NDUFA11: variants seen among roughly 807,000 people sequenced by gnomAD.
The protein encoded by NDUFA11 is NADH dehydrogenase [ubiquinone] 1 alpha subcomplex subunit 11.
Under a neutral mutation model 11.3 loss-of-function variants are expected in NDUFA11, and 14 were observed. The observed-to-expected ratio is 1.24, with a 90% CI of 0.82 to 1.94. The LOEUF (loss-of-function observed/expected upper bound fraction) is 1.94, where lower values mean the gene tolerates loss of function less well. NDUFA11 is among the 30% of genes most tolerant of loss of function. NDUFA11 has a pLI of 0.00. For synonymous variants in NDUFA11, 87 were observed against 85.6 expected (o/e 1.02, Z -0.09); for missense variants, 204 against 200.3 (o/e 1.02, Z -0.11).
At chr19:5,899,218 C>T (rs79074789) in intron 1 of NDUFA11, among the ~76,000 whole-genome samples, 2 of 146,594 alleles carry the variant, frequency 1.4e-5, no homozygotes, top group South Asian at 2.2e-4. Flanking sequence ...GGCGCTATCT[C>T]GGCTCACTGC....
chr19:5,903,010 C>CAAAA (rs545310981), intron 1 of NDUFA11, among the ~76,000 whole-genome samples: 9 of 103,976 alleles, frequency 8.7e-5, no homozygotes, highest in Admixed American at 2.0e-4. Flanking sequence ...GGCTCTGTCT[C>CAAAA]AAAAAAAAAA....
chr19:5,898,573 C>T (rs985174093), intron 1 of NDUFA11, among the ~76,000 whole-genome samples: 2 of 152,152 alleles, frequency 1.3e-5, no homozygotes, highest in Admixed American at 1.3e-4. Flanking sequence ...CCTGCTCGAC[C>T]TCAGAAAGGT....
Position 5,896,508 on chromosome 19 carries a change from GT to G in NDUFA11, c.257del (p.Asp86AlafsTer3). 1 of 1,572,542 alleles carries G rather than the reference GT, an allele frequency of 6.4e-7. No individual in the cohort carries two copies. Among genetic ancestry groups the G allele is most frequent in the Non-Finnish European group, 8.6e-7 (1 of 1,159,294 alleles). Reference sequence around the variant, plus strand: ...AGCCACCGAGGAAGTAGTTCAGGGGGTCGTCGGGCTTCTCGCGGACATGGGC... The same window carrying G: ...AGCCACCGAGGAAGTAGTTCAGGGGGCGTCGGGCTTCTCGCGGACATGGGC... Reference protein sequence around the residue: ...ISAHVREKPDDPLNYFLGGCA... With the variant: ...ISAHVREKPDXPLNYFLGGCA... On this transcript the variant is annotated frameshift_variant, in exon 3 of 4. Transcript: ENST00000308961. LOFTEE classifies it high-confidence loss of function. This position sits in a 1 kb window ranked among gnomAD's most constrained non-coding sequence, Gnocchi z 5.8.
chr19:5,894,805 C>T lies in NDUFA11; in HGVS notation c.363G>A (p.Ala121=), dbSNP rs748679456. The T allele has an allele frequency of 4.9e-5, 79 of 1,613,428 alleles. No individual in the cohort carries two copies. The highest frequency in any genetic ancestry group is 1.6e-4 in the Middle Eastern group (1 of 6,074). ...GAAACVYFGI[A]ASLVKMGRLE... ...GCCGGCCCATCTTGACCAGGGAGGC[C>T]GCTATGCCAAAGTACACGCAGGCGG... Residue 121 remains alanine (A), a synonymous_variant, in exon 4 of 4, where the codon GCG becomes GCA. Transcript: ENST00000308961.
downstream of NDUFA11, chr19:5,893,315 A>C: frequency 5.1e-6 from 5 of 985,510 alleles, no homozygotes; most frequent in African/African-American, 1.6e-5. This position sits in a 1 kb window ranked among gnomAD's most constrained non-coding sequence, Gnocchi z 4.1. Flanking sequence ...AATAAAAACA[A>C]TTAGCTGGCT....
downstream of NDUFA11, among the ~76,000 whole-genome samples, chr19:5,893,939 G>A (rs1402698678): frequency 6.6e-6 from 1 of 152,158 alleles, no homozygotes; most frequent in African/African-American, 2.4e-5. This position sits in a 1 kb window ranked among gnomAD's most constrained non-coding sequence, Gnocchi z 4.1. Flanking sequence ...GTGGAGCCTG[G>A]AGCGCCCTAA....
At chr19:5,893,084 T>C, downstream of NDUFA11, 2 of 1,536,136 alleles carry the variant, frequency 1.3e-6, no homozygotes, top group Non-Finnish European at 1.7e-6. The surrounding 1 kb of genome is among the most constrained non-coding windows in gnomAD (Gnocchi z 4.1). Context: ...CCTGAGCTGT[T>C]GCATGCCCCC....
At chr19:5,899,237 C>T (rs2057629722) in intron 1 of NDUFA11, among the ~76,000 whole-genome samples, 1 of 151,530 alleles carries the variant, frequency 6.6e-6, no homozygotes, top group Non-Finnish European at 1.5e-5. Flanking sequence ...GCAAGCCCCG[C>T]CTCCTGGGTT....
intron 1 of NDUFA11, among the ~76,000 whole-genome samples, chr19:5,899,203 G>A (rs895489206): frequency 2.0e-5 from 3 of 149,846 alleles, no homozygotes; most frequent in African/African-American, 7.4e-5. Flanking sequence ...AGGCTGGAGT[G>A]CAGTGGCGCT....
chr19:5,896,910 G>A lies in NDUFA11; in HGVS notation c.185C>T (p.Thr62Ile), dbSNP rs1568431050. 1.2e-6 allele frequency: 2 copies of A among 1,613,662 alleles called. No homozygotes were observed. The highest frequency in any genetic ancestry group is 1.7e-6 in the Non-Finnish European group (2 of 1,179,686). ...GCCCAGCCCAGCGTGCTCACCTGCA[G>A]TGAACGTGTATTGTCCAACCTTAGC... ...GVAKVGQYTF[T>I]AAAVGAVFGL... Residue 62 changes from threonine (T) to isoleucine (I), a missense_variant, in exon 2 of 4, where the codon ACT becomes ATT. Thr to Ile is a moderately conservative substitution (Grantham distance 89, BLOSUM62 -1). Transcript: ENST00000308961. This position sits in a 1 kb window ranked among gnomAD's most constrained non-coding sequence, Gnocchi z 5.8.
chr19:5,894,989 C>T (rs565909379), intron 3 of NDUFA11, 135 bp from the exon 4 acceptor site: 1 of 1,011,900 alleles, frequency 9.9e-7, no homozygotes, highest in Non-Finnish European at 1.4e-6. Context: ...GATTAAGTCA[C>T]TCAGGAAGAG....
At position 5,896,121 on chromosome 19, in the gene NDUFA11, G is replaced by GTT; in HGVS notation, c.313+331_313+332insAA. On this transcript the variant is annotated intron_variant, in intron 3 of 3. Transcript: ENST00000308961. The surrounding 1 kb of genome is among the most constrained non-coding windows in gnomAD (Gnocchi z 5.8). The stretch of plus-strand genomic sequence containing the variant: ...GCTTGTACACAGGGTGGTCAGGACA[G>GTT]TGAGGGGAACAGCATTCCACGCAGT... 1 of 558,252 alleles carries GTT rather than the reference G, an allele frequency of 1.8e-6. No homozygotes were observed. The highest frequency in any genetic ancestry group is 3.2e-6 in the Non-Finnish European group (1 of 315,694). The allele number at this position is 558,252 out of a possible 1,614,324, so 34.6% of individuals were successfully genotyped here. A position where few individuals can be genotyped will look rare whatever the true frequency, so the allele number is the denominator to read the frequency against.
chr19:5,896,424 A>G lies in NDUFA11; in HGVS notation c.313+29T>C, dbSNP rs749817318. ...GGGGTCATTCTGCCAGGCTGGGAGG[A>G]GGGTGGGGGTGGGGAGGGGGCCACT... On this transcript the variant is annotated intron_variant, in intron 3 of 3. Transcript: ENST00000308961. The surrounding 1 kb of genome is among the most constrained non-coding windows in gnomAD (Gnocchi z 5.8). 97 of 525,964 alleles carry G rather than the reference A, an allele frequency of 1.8e-4. No homozygotes were observed. In the African/African-American group the frequency reaches 6.6e-3, roughly 36 times the overall value. 32.6% of individuals were successfully genotyped at this position (525,964 alleles called of 1,614,324 possible).
downstream of NDUFA11, chr19:5,893,291 C>T (rs1371576986): frequency 1.2e-5 from 14 of 1,170,972 alleles, no homozygotes; most frequent in African/African-American, 3.1e-5. This position sits in a 1 kb window ranked among gnomAD's most constrained non-coding sequence, Gnocchi z 4.1. Flanking sequence ...GATCCTGTCT[C>T]TACAAAAAAT....
chr19:5,896,731 G>A lies in NDUFA11; in HGVS notation c.191-156C>T, dbSNP rs2057612176. On this transcript the variant is annotated intron_variant, in intron 2 of 3. Coordinates refer to ENST00000308961, the MANE Select transcript of NDUFA11 (RefSeq NM_175614.5). The surrounding 1 kb of genome is among the most constrained non-coding windows in gnomAD (Gnocchi z 5.8). ...GCCCCAGTCCTGGAGCTGTTCTCCTGGGCCTCCCCACCCTACATGTATTCC... is the reference window on the plus strand; with the variant it reads ...GCCCCAGTCCTGGAGCTGTTCTCCTAGGCCTCCCCACCCTACATGTATTCC... The A allele has an allele frequency of 8.0e-7, 1 of 1,252,000 alleles. No individual in the cohort carries two copies. The highest frequency in any genetic ancestry group is 1.1e-6 in the Non-Finnish European group (1 of 874,186). The allele number at this position is 1,252,000 out of a possible 1,614,324, so 77.6% of individuals were successfully genotyped here.
At position 5,894,852 on chromosome 19, in the gene NDUFA11, G is replaced by T; in HGVS notation, c.316C>A (p.His106Asn). 1 of 1,603,526 alleles carries T rather than the reference G, an allele frequency of 6.2e-7. No individual in the cohort carries two copies. Among genetic ancestry groups the T allele is most frequent in the Non-Finnish European group, 8.5e-7 (1 of 1,174,820 alleles). ...AGGLTLGART[H>N]NYGIGAAACV... ...GCGGCGGCGCCAATCCCGTAGTTGT[G>T]CGCTGTGGGAGTGGGGAGGTGATGT... The change falls in exon 4 of 4, where the codon CAC becomes AAC. Residue 106 changes from histidine (H) to asparagine (N), a missense_variant and splice_region_variant. Physicochemically the swap from His to Asn is moderately conservative, Grantham distance 68. Coordinates refer to ENST00000308961, the MANE Select transcript of NDUFA11 (RefSeq NM_175614.5).
In NDUFA11 at chr19:5,903,670, G is replaced by C. The variant is rs1169554789; in HGVS notation, c.39C>G (p.Pro13=). Residue 13 remains proline, a synonymous_variant, in exon 1 of 4, where the codon CCC becomes CCG. Transcript: ENST00000308961. ...CTTTGCGGTGGCAATCGGTGCCATC[G>C]GGGATATCCCAGTACTGACGAAAAA... The part of the protein sequence containing the change: ...PKVFRQYWDI[P]DGTDCHRKAY... 14 of 1,551,400 alleles carry C rather than the reference G, an allele frequency of 9.0e-6. 1 individual carries two copies. Among genetic ancestry groups the C allele is most frequent in the Non-Finnish European group, 1.2e-5 (14 of 1,146,932 alleles).
chr19:5,897,104 C>A, intron 1 of NDUFA11, 107 bp from the exon 2 acceptor site: 6 of 869,738 alleles, frequency 6.9e-6, no homozygotes, highest in Admixed American at 3.6e-5. Flanking sequence ...ACGATGCCCC[C>A]CTTCTTTGCC....
rs979025418 is a variant in NDUFA11, at chr19:5,898,885, A to T, written c.98-1888T>A. Among the ~76,000 whole-genome samples, 157 of 151,342 alleles carry T rather than the reference A, an allele frequency of 1.0e-3. 1 individual carries two copies. Among genetic ancestry groups the T allele is most frequent in the African/African-American group, 3.8e-3 (155 of 41,244 alleles). ...TGAGACTCCGTCTCAAAATAAAAAA[A>T]AAAAAAAAAAAGAAAGAAAGGTGGA... On this transcript the variant is annotated intron_variant, in intron 1 of 3. Transcript: ENST00000308961.
Sources: allele counts gnomAD v4.1 joint callset (sites outside exome capture counted in the v4.1 genomes callset), GRCh38; gene constraint gnomAD v4.1.1; non-coding constraint Gnocchi (gnomAD v3.1); transcripts MANE v1.5; gene names NCBI Gene and HGNC (gene_info 2026-07-23, HGNC 2026-07-21).